SLC38A6: variants seen among roughly 807,000 people sequenced by gnomAD.
The protein encoded by SLC38A6 is N system amino acid transporter NAT-1.
Under a neutral mutation model 65.0 loss-of-function variants are expected in SLC38A6, and 73 were observed. That is an observed-to-expected ratio of 1.12 (90% CI 0.93 to 1.37). The LOEUF (loss-of-function observed/expected upper bound fraction) is 1.37, where lower values mean the gene tolerates loss of function less well. Among genes scored for constraint, SLC38A6 ranks in the 40% most tolerant of loss-of-function variants. SLC38A6 has a pLI of 0.00. For synonymous variants in SLC38A6, 183 were observed against 178.8 expected (o/e 1.02, Z -0.19); for missense variants, 561 against 531.1 (o/e 1.06, Z -0.55).
intron 3 of SLC38A6, among the ~76,000 whole-genome samples, chr14:61,009,377 A>G (rs1010971992): frequency 3.9e-5 from 6 of 151,922 alleles, no homozygotes; most frequent in Non-Finnish European, 5.9e-5. Context: ...CTTAGGAAAA[A>G]GGGGAAATAA....
In SLC38A6 at chr14:60,983,603, A is replaced by G. The variant is rs141504035; in HGVS notation, c.236+965A>G. Among the ~76,000 whole-genome samples the G allele has an allele frequency of 3.4e-3, 517 of 152,334 alleles. 3 individuals are homozygous for G. The highest frequency in any genetic ancestry group is 0.011 in the African/African-American group (453 of 41,584). On this transcript the variant is annotated intron_variant, in intron 2 of 15. Transcript: ENST00000267488. ...TAGAAGCAGATCTATTTACTAGGAA[A>G]TTTAAAATGCCTAGGGAGTCTCTTT... is the stretch of plus-strand genomic sequence containing the variant.
intron 3 of SLC38A6, among the ~76,000 whole-genome samples, chr14:61,011,363 A>G (rs1024619012): frequency 1.6e-4 from 25 of 151,862 alleles, no homozygotes; most frequent in Non-Finnish European, 2.9e-4. Flanking sequence ...CTAATTGAAT[A>G]CCCTTTATTT....
chr14:61,076,468 G>A (rs533916276), intron 15 of SLC38A6, among the ~76,000 whole-genome samples: 139 of 152,270 alleles, frequency 9.1e-4, no homozygotes, highest in Non-Finnish European at 1.5e-3. Context: ...AGAAATTAAA[G>A]TTTAGAGAGA....
intron 10 of SLC38A6, 24 bp downstream of exon 10, chr14:61,043,527 T>C (rs1291462596): frequency 6.5e-7 from 1 of 1,548,324 alleles, no homozygotes; most frequent in Non-Finnish European, 8.8e-7. Context: ...TAACAGATAC[T>C]TTTAGTTGAT....
At chr14:61,004,427 T>C (rs1263604837) in intron 3 of SLC38A6, 1 of 152,082 alleles carries the variant, frequency 6.6e-6, no homozygotes, top group East Asian at 1.9e-4. Context: ...TCTAGATTTT[T>C]GGAAGGAAAG....
intron 3 of SLC38A6, among the ~76,000 whole-genome samples, chr14:61,012,893 A>G (rs932089062): frequency 6.6e-6 from 1 of 152,180 alleles, no homozygotes; most frequent in African/African-American, 2.4e-5. Flanking sequence ...GTAGATGTCT[A>G]TTAGGTCCAC....
chr14:61,062,340 G>A (rs764915900), intron 15 of SLC38A6, among the ~76,000 whole-genome samples: 3 of 152,184 alleles, frequency 2.0e-5, no homozygotes, highest in Admixed American at 6.5e-5. Flanking sequence ...GGTGGTGTCA[G>A]TGTTTTAGAT....
intron 5 of SLC38A6, among the ~76,000 whole-genome samples, chr14:61,023,578 TA>T (rs2040451557): frequency 5.2e-5 from 1 of 19,302 alleles, no homozygotes; most frequent in African/African-American, 1.1e-4. Flanking sequence ...ATAATAATAA[TA>T]ATAATAATAA....
At chr14:61,071,114 C>T (rs897146455) in intron 15 of SLC38A6, among the ~76,000 whole-genome samples, 1 of 152,164 alleles carries the variant, frequency 6.6e-6, no homozygotes, top group Non-Finnish European at 1.5e-5. Flanking sequence ...ATACACAAAA[C>T]TCCCTAAATA....
At chr14:61,023,673 C>G (rs1018079804) in intron 5 of SLC38A6, among the ~76,000 whole-genome samples, 1 of 150,928 alleles carries the variant, frequency 6.6e-6, no homozygotes, top group African/African-American at 2.4e-5. Flanking sequence ...CTTAATGTTT[C>G]TTAACTCTCT....
At chr14:61,033,097 GCT>G (rs911999089) in intron 6 of SLC38A6, among the ~76,000 whole-genome samples, 15 of 151,844 alleles carry the variant, frequency 9.9e-5, no homozygotes, top group African/African-American at 3.6e-4. Flanking sequence ...AAAGTTGGAA[GCT>G]CTCTGTTAAC....
intron 3 of SLC38A6, among the ~76,000 whole-genome samples, chr14:60,999,633 G>A (rs2038561292): frequency 6.6e-6 from 1 of 152,218 alleles, no homozygotes; most frequent in African/African-American, 2.4e-5. Flanking sequence ...CTTTGCAGAT[G>A]TGACTGAGTT....
intron 10 of SLC38A6, among the ~76,000 whole-genome samples, chr14:61,044,651 G>C (rs1003700389): frequency 6.6e-6 from 1 of 152,054 alleles, no homozygotes; most frequent in African/African-American, 2.4e-5. Context: ...GATCACCATC[G>C]TCTATTTGGT....
chr14:60,994,168 T>A (rs1181530983), intron 3 of SLC38A6, among the ~76,000 whole-genome samples: 1 of 152,222 alleles, frequency 6.6e-6, no homozygotes, highest in East Asian at 1.9e-4. Flanking sequence ...TTTACCAAAA[T>A]CTGGAAGCAA....
At chr14:60,988,080 C>G (rs2037586352) in intron 3 of SLC38A6, among the ~76,000 whole-genome samples, 1 of 152,208 alleles carries the variant, frequency 6.6e-6, no homozygotes, top group Admixed American at 6.5e-5. Context: ...ATCAGCAAAA[C>G]TCACATGTCT....
intron 3 of SLC38A6, among the ~76,000 whole-genome samples, chr14:61,012,198 T>C (rs1437024617): frequency 1.3e-5 from 2 of 152,214 alleles, no homozygotes; most frequent in East Asian, 3.8e-4. Flanking sequence ...TCTCTGATTG[T>C]AGTTTGTATT....
chr14:61,076,120 G>A (rs2043408215), intron 15 of SLC38A6, among the ~76,000 whole-genome samples: 1 of 152,108 alleles, frequency 6.6e-6, no homozygotes, highest in African/African-American at 2.4e-5. Context: ...CTCCCAAAGT[G>A]CTGGGATTGC....
intron 8 of SLC38A6, among the ~76,000 whole-genome samples, chr14:61,040,095 C>T (rs1280774328): frequency 3.3e-5 from 5 of 151,722 alleles, no homozygotes; most frequent in African/African-American, 4.8e-5. Context: ...GATTACCATT[C>T]GTTCTAAAAG....
intron 5 of SLC38A6, among the ~76,000 whole-genome samples, chr14:61,026,729 G>C (rs2040633166): frequency 6.6e-6 from 1 of 151,426 alleles, no homozygotes; most frequent in South Asian, 2.1e-4. Context: ...TCTCAACCCA[G>C]GCGGGCTGTT....
Sources: allele counts gnomAD v4.1 joint callset (sites outside exome capture counted in the v4.1 genomes callset), GRCh38; gene constraint gnomAD v4.1.1; transcripts MANE v1.5; gene names NCBI Gene and HGNC (gene_info 2026-07-23, HGNC 2026-07-21).